CCDC7: variants seen among roughly 807,000 people sequenced by gnomAD.
The protein encoded by CCDC7 is coiled-coil domain-containing protein 7.
In CCDC7, 183 loss-of-function variants were observed where a neutral mutation model predicts 196.9. That is an observed-to-expected ratio of 0.93 (90% CI 0.82 to 1.05). CCDC7 has a LOEUF of 1.05. CCDC7 is among the 50% of genes least tolerant of loss of function. The pLI is 0.00. For missense variants in CCDC7, 1,540 were observed against 1,482.2 expected (o/e 1.04, Z -0.64); for synonymous variants, 525 against 484.6 (o/e 1.08, Z -1.10).
At chr10:32,828,498 G>GA (rs1372452392) in intron 32 of CCDC7, among the ~76,000 whole-genome samples, 8 of 112,718 alleles carry the variant, frequency 7.1e-5, no homozygotes, top group African/African-American at 2.9e-4. Flanking sequence ...AGAAGAAGAA[G>GA]AAGAAGAAGA....
At chr10:32,519,729 C>T (rs1342499933) in intron 11 of CCDC7, among the ~76,000 whole-genome samples, 2 of 151,962 alleles carry the variant, frequency 1.3e-5, no homozygotes, top group African/African-American at 4.8e-5. Flanking sequence ...TGCAAATAAT[C>T]CAGTTATACT....
chr10:32,793,489 A>G (rs979085312), intron 29 of CCDC7, among the ~76,000 whole-genome samples: 2 of 152,132 alleles, frequency 1.3e-5, no homozygotes, highest in Non-Finnish European at 2.9e-5. Context: ...TCTTAGTCTT[A>G]TGTGTTTTGA....
At chr10:32,570,393 C>T (rs1285255456) in intron 15 of CCDC7, among the ~76,000 whole-genome samples, 1 of 152,142 alleles carries the variant, frequency 6.6e-6, no homozygotes, top group African/African-American at 2.4e-5. Flanking sequence ...ATGTTGGTGG[C>T]TAGTTGAAAA....
rs2076420500 is a variant in CCDC7, at chr10:32,685,954, T to C, written c.2123-16T>C. On this transcript the variant is annotated splice_polypyrimidine_tract_variant and intron_variant, in intron 21 of 41. Coordinates refer to ENST00000639629, the Ensembl canonical transcript of CCDC7. ...ATTTTTCTATTTAGTGGAATAAATG[T>C]ATTTTCTTTATGTAGCTCATAATGA... 3 of 1,260,744 alleles carry C rather than the reference T, an allele frequency of 2.4e-6. No individual in the cohort carries two copies. The highest frequency in any genetic ancestry group is 3.3e-6 in the Non-Finnish European group (3 of 905,386). 78.1% of individuals were successfully genotyped at this position (1,260,744 alleles called of 1,614,324 possible). A position where few individuals can be genotyped will look rare whatever the true frequency, so the allele number is the denominator to read the frequency against.
upstream of CCDC7, among the ~76,000 whole-genome samples, chr10:32,451,364 TTAAA>T (rs1564605609): frequency 6.6e-6 from 1 of 152,226 alleles, no homozygotes; most frequent in African/African-American, 2.4e-5. Context: ...ATGCTTAAGT[TTAAA>T]TAACTTATTG....
intron 28 of CCDC7, among the ~76,000 whole-genome samples, chr10:32,758,278 C>G (rs1385030570): frequency 6.6e-6 from 1 of 152,134 alleles, no homozygotes; most frequent in African/African-American, 2.4e-5. Flanking sequence ...GATACCAAAA[C>G]CTGGCAGAGA....
chr10:32,568,838 G>A (rs566658763), intron 15 of CCDC7, among the ~76,000 whole-genome samples: 1 of 152,232 alleles, frequency 6.6e-6, no homozygotes, highest in Non-Finnish European at 1.5e-5. Context: ...CCGCATTACA[G>A]TGAGTAATAT....
intron 25 of CCDC7, among the ~76,000 whole-genome samples, chr10:32,723,889 G>A (rs867733293): frequency 1.3e-5 from 2 of 152,018 alleles, no homozygotes; most frequent in Non-Finnish European, 2.9e-5. Context: ...TCAGAGACAT[G>A]CTTAGAGCTA....
intron 9 of CCDC7, among the ~76,000 whole-genome samples, chr10:32,492,683 A>G (rs561669912): frequency 3.9e-5 from 6 of 152,064 alleles, no homozygotes; most frequent in Non-Finnish European, 8.8e-5. Flanking sequence ...CAGGGGGTAC[A>G]GGAGGGGGAA....
intron 24 of CCDC7, among the ~76,000 whole-genome samples, chr10:32,695,749 G>A (rs977716868): frequency 1.1e-4 from 16 of 152,146 alleles, no homozygotes; most frequent in Non-Finnish European, 1.2e-4. Context: ...AATGTAAGGC[G>A]GACTGATCTT....
At chr10:32,617,659 A>G (rs1017607070) in intron 18 of CCDC7, among the ~76,000 whole-genome samples, 2 of 151,926 alleles carry the variant, frequency 1.3e-5, no homozygotes, top group Non-Finnish European at 2.9e-5. Context: ...GACACTTGAT[A>G]TGATTTCGAT....
rs148429849 is a variant in CCDC7, at chr10:32,518,769, C to T, written c.993+264C>T. ...CAAATATTTAACTTTATTAAACTAACGGTAAATTAGTTTTCAAATATATTG... is the reference window on the plus strand; with the variant it reads ...CAAATATTTAACTTTATTAAACTAATGGTAAATTAGTTTTCAAATATATTG... On this transcript the variant is annotated intron_variant, in intron 11 of 41. Transcript: ENST00000639629. Among the ~76,000 whole-genome samples, 32 of 151,998 alleles carry T rather than the reference C, an allele frequency of 2.1e-4. 1 individual carries two copies. In the East Asian group the frequency reaches 3.9e-3, roughly 18 times the overall value.
intron 29 of CCDC7, among the ~76,000 whole-genome samples, chr10:32,800,829 C>T (rs2084640310): frequency 1.3e-5 from 2 of 152,190 alleles, no homozygotes; most frequent in Admixed American, 1.3e-4. Context: ...TAATTCAAAT[C>T]AGTCTTTTGT....
At chr10:32,640,269 T>G (rs1396259184) in intron 20 of CCDC7, among the ~76,000 whole-genome samples, 1 of 152,214 alleles carries the variant, frequency 6.6e-6, no homozygotes, top group Non-Finnish European at 1.5e-5. Flanking sequence ...CTCTTCTTGT[T>G]AAATTGATCC....
chr10:32,795,994 T>C (rs573764392), intron 29 of CCDC7, among the ~76,000 whole-genome samples: 1 of 152,310 alleles, frequency 6.6e-6, no homozygotes, highest in East Asian at 1.9e-4. Flanking sequence ...CCACTCTTAG[T>C]AGCCACTGAT....
chr10:32,538,246 G>T (rs2050834166), intron 11 of CCDC7, among the ~76,000 whole-genome samples: 1 of 152,126 alleles, frequency 6.6e-6, no homozygotes, highest in East Asian at 1.9e-4. Flanking sequence ...TATTCTTTTT[G>T]TGGCAGTTGA....
At chr10:32,725,646 A>C (rs2083011723) in intron 25 of CCDC7, among the ~76,000 whole-genome samples, 1 of 152,052 alleles carries the variant, frequency 6.6e-6, no homozygotes, top group Admixed American at 6.6e-5. Context: ...TCAGCTTCTG[A>C]TGAGGCCTCA....
intron 9 of CCDC7, among the ~76,000 whole-genome samples, chr10:32,502,869 T>G (rs965356616): frequency 6.6e-6 from 1 of 152,234 alleles, no homozygotes; most frequent in East Asian, 1.9e-4. Context: ...GATCTTTCAC[T>G]TCTTTGATTA....
chr10:32,457,767 T>C (rs2034676218), intron 3 of CCDC7, among the ~76,000 whole-genome samples: 1 of 152,206 alleles, frequency 6.6e-6, no homozygotes, highest in Non-Finnish European at 1.5e-5. Flanking sequence ...TTGATTTACA[T>C]TTCCCTGATG....
Sources: allele counts gnomAD v4.1 joint callset (sites outside exome capture counted in the v4.1 genomes callset), GRCh38; gene constraint gnomAD v4.1.1; transcripts MANE v1.5; gene names NCBI Gene and HGNC (gene_info 2026-07-23, HGNC 2026-07-21).